Variants in SET observed in about 807,000 individuals in gnomAD.
SET encodes SET nuclear proto-oncogene, also known as protein SET.
SET carries 4 observed loss-of-function variants against 39.0 expected under a neutral mutation model. The ratio of observed to expected loss-of-function variants is 0.10; its 90% CI spans 0.05 to 0.23. The LOEUF is 0.23. Among genes scored for constraint, SET ranks in the 10% least tolerant of loss-of-function variants. The probability of loss-of-function intolerance (pLI) is 1.00; values close to 1 mark genes in which losing one functional copy is unlikely to be tolerated. For synonymous variants in SET, 114 were observed against 115.9 expected (o/e 0.98, Z 0.11); for missense variants, 137 against 329.7 (o/e 0.42, Z 4.53).
chr9:128,695,965 A>C lies in SET; in HGVS notation c.*1301A>C. The C allele has an allele frequency of 4.4e-6, 1 of 226,230 alleles. No individual in the cohort carries two copies. 14.0% of individuals were successfully genotyped at this position (226,230 alleles called of 1,614,324 possible). ...CTGGCATGTCTTCATTGGCTATATAAAATGTGGCCAAGAAGATAGGCTCTC... is the reference window on the plus strand; with the variant it reads ...CTGGCATGTCTTCATTGGCTATATACAATGTGGCCAAGAAGATAGGCTCTC... On this transcript the variant is annotated 3_prime_UTR_variant, in exon 8 of 8. Transcript: ENST00000322030.
Position 128,693,952 on chromosome 9 carries a change from A to C in SET, c.720A>C (p.Glu240Asp). The C allele has an allele frequency of 6.5e-7, 1 of 1,548,232 alleles. No individual in the cohort carries two copies. Among genetic ancestry groups the C allele is most frequent in the Non-Finnish European group, 8.9e-7 (1 of 1,120,952 alleles). Residue 240 changes from glutamate to aspartate, a missense_variant, in exon 7 of 8, where the codon GAA becomes GAC. By Grantham distance (45) the Glu-to-Asp change is conservative (BLOSUM62 2). This residue lies in a region of SET where 44 missense variants were observed against 63.0 expected (regional missense o/e 0.70). Coordinates refer to ENST00000322030, the MANE Select transcript of SET (RefSeq NM_003011.4). The part of the protein sequence containing the change: ...GEGEEDDDDD[E>D]EEEGLEDIDE... The stretch of plus-strand genomic sequence containing the variant: ...GAGAAGAAGATGATGATGATGATGA[A>C]GAGGAGGAAGGATTAGAAGATATTG...
In SET at chr9:128,689,347, G is replaced by A. The variant is rs1419158522; in HGVS notation, c.-236G>A. 18 of 1,042,098 alleles carry A rather than the reference G, an allele frequency of 1.7e-5. No individual in the cohort carries two copies. The South Asian group carries it at 7.1e-4, about 41-fold the overall frequency. The allele number at this position is 1,042,098 out of a possible 1,614,324, so 64.6% of individuals were successfully genotyped here. A position where few individuals can be genotyped will look rare whatever the true frequency, so the allele number is the denominator to read the frequency against. ...GCCGCCGCCTCCGCCTCCCCTCCGCGAACAGGAGCCCGGGCCGGGGCCCGG... is the reference window on the plus strand; with the variant it reads ...GCCGCCGCCTCCGCCTCCCCTCCGCAAACAGGAGCCCGGGCCGGGGCCCGG... On this transcript the variant is annotated 5_prime_UTR_variant, in exon 1 of 8. Transcript: ENST00000322030.
In SET at chr9:128,689,565, C is replaced by A; in HGVS notation, c.-18C>A. 1.5e-6 allele frequency: 2 copies of A among 1,344,696 alleles called. No individual in the cohort carries two copies. The highest frequency in any genetic ancestry group is 2.0e-6 in the Non-Finnish European group (2 of 1,024,600). 83.3% of individuals were successfully genotyped at this position (1,344,696 alleles called of 1,614,324 possible). A position where few individuals can be genotyped will look rare whatever the true frequency, so the allele number is the denominator to read the frequency against. ...TCTCTCCCCCTCCCCGCTCCCCCCC[C>A]GACCGCGGAGCAGCACCATGTCGGC... On this transcript the variant is annotated 5_prime_UTR_variant, in exon 1 of 8. Coordinates refer to ENST00000322030, the MANE Select transcript of SET (RefSeq NM_003011.4).
upstream of SET, among the ~76,000 whole-genome samples, chr9:128,688,547 CCTT>C (rs1225171787): frequency 1.3e-5 from 2 of 152,204 alleles, no homozygotes; most frequent in Non-Finnish European, 2.9e-5. Context: ...TACCTCCCTG[CCTT>C]CACAGGACTT....
chr9:128,684,964 C>A (rs2132233732), upstream of SET: 1 of 1,320,006 alleles, frequency 7.6e-7, no homozygotes, highest in Non-Finnish European at 1.0e-6. Flanking sequence ...GTTCTGGTGA[C>A]TAGGTCTGGC....
chr9:128,690,098 C>A, intron 1 of SET: 1 of 370,540 alleles, frequency 2.7e-6, no homozygotes, highest in Non-Finnish European at 3.7e-6. Flanking sequence ...CGGCGGCGCC[C>A]CCGGCACCCC....
At position 128,689,514 on chromosome 9, in the gene SET, G is replaced by A. The variant is rs1189159207; in HGVS notation, c.-69G>A. On this transcript the variant is annotated 5_prime_UTR_variant, in exon 1 of 8. Transcript: ENST00000322030. ...CGCGCGTGTGGCGTGAGGGGAAGCC[G>A]CTTGCCCGCCCCCTTCGCCTTCCCT... 1.7e-5 allele frequency: 13 copies of A among 779,562 alleles called. No individual in the cohort carries two copies. Among genetic ancestry groups the A allele is most frequent in the Non-Finnish European group, 1.8e-5 (10 of 561,246 alleles). The allele number at this position is 779,562 out of a possible 1,614,324, so 48.3% of individuals were successfully genotyped here.
At position 128,696,008 on chromosome 9, in the gene SET, T is replaced by A. The variant is rs1243400434; in HGVS notation, c.*1344T>A. On this transcript the variant is annotated 3_prime_UTR_variant, in exon 8 of 8. Transcript: ENST00000322030. ...AGGCTCTCAGTAAGAAGTCTGATGG[T>A]GAGCAGTAACTGTCCCTGCTTTCTG... 8.8e-6 allele frequency: 2 copies of A among 226,062 alleles called. No individual in the cohort carries two copies. The highest frequency in any genetic ancestry group is 1.2e-4 in the East Asian group (2 of 16,106). 14.0% of individuals were successfully genotyped at this position (226,062 alleles called of 1,614,324 possible).
chr9:128,689,994 C>A, intron 1 of SET: 1 of 1,040,996 alleles, frequency 9.6e-7, no homozygotes. Context: ...GCCATGATGC[C>A]TCGCTCCCAT....
Position 128,692,642 on chromosome 9 carries a change from C to T in SET, c.275-20C>T, listed in dbSNP as rs766610466. The T allele has an allele frequency of 1.3e-6, 2 of 1,515,852 alleles. No homozygotes were observed. Among genetic ancestry groups the T allele is most frequent in the South Asian group, 1.1e-5 (1 of 88,372 alleles). 93.9% of individuals were successfully genotyped at this position (1,515,852 alleles called of 1,614,324 possible). A position where few individuals can be genotyped will look rare whatever the true frequency, so the allele number is the denominator to read the frequency against. ...GTGTGCCTGTTGAAAATTCAGCTGACCTGTAATTTTCTGGCCTAGTGTCTG... is the reference window on the plus strand; with the variant it reads ...GTGTGCCTGTTGAAAATTCAGCTGATCTGTAATTTTCTGGCCTAGTGTCTG... On this transcript the variant is annotated intron_variant, in intron 3 of 7. Transcript: ENST00000322030.
intron 5 of SET, 108 bp from the exon 6 acceptor site, chr9:128,693,530 C>T: frequency 8.7e-7 from 1 of 1,154,582 alleles, no homozygotes; most frequent in Non-Finnish European, 1.2e-6. Context: ...AGATAGTATA[C>T]TGATATTTGT....
chr9:128,688,886 C>G (rs941803323), upstream of SET, among the ~76,000 whole-genome samples: 2 of 152,068 alleles, frequency 1.3e-5, no homozygotes, highest in Non-Finnish European at 2.9e-5. Flanking sequence ...GCGCCCCGCT[C>G]CCGGTGCCCC....
Position 128,695,957 on chromosome 9 carries a change from G to A in SET, c.*1293G>A. 4.4e-6 allele frequency: 1 copy of A among 226,288 alleles called. No individual in the cohort carries two copies. Among genetic ancestry groups the A allele is most frequent in the Non-Finnish European group, 8.8e-6 (1 of 113,132 alleles). The allele number at this position is 226,288 out of a possible 1,614,324, so 14.0% of individuals were successfully genotyped here. The stretch of plus-strand genomic sequence containing the variant: ...GACAGTTGCTGGCATGTCTTCATTG[G>A]CTATATAAAATGTGGCCAAGAAGAT... On this transcript the variant is annotated 3_prime_UTR_variant, in exon 8 of 8. Transcript: ENST00000322030.
chr9:128,686,207 T>C (rs946508713), upstream of SET, among the ~76,000 whole-genome samples: 2 of 152,124 alleles, frequency 1.3e-5, no homozygotes, highest in Non-Finnish European at 2.9e-5. Flanking sequence ...CGCCTGTGTT[T>C]ACTCACACCC....
chr9:128,685,858 C>G (rs937873156), upstream of SET, among the ~76,000 whole-genome samples: 4 of 152,152 alleles, frequency 2.6e-5, no homozygotes, highest in African/African-American at 9.7e-5. Context: ...ATGGCTAAAC[C>G]CCATCTCTAC....
intron 1 of SET, chr9:128,690,121 GGCCC>G: frequency 4.0e-6 from 1 of 251,892 alleles, no homozygotes; most frequent in Non-Finnish European, 6.3e-6. Context: ...CCCAGAGGCT[GGCCC>G]CGGCGGGGCT....
In SET at chr9:128,689,241, T is replaced by TGGA. The variant is rs1158771361; in HGVS notation, c.-333_-331dup. The TGGA allele has an allele frequency of 4.0e-5, 40 of 997,628 alleles. No individual in the cohort carries two copies. The highest frequency in any genetic ancestry group is 4.9e-4 in the Middle Eastern group (1 of 2,028). The allele number at this position is 997,628 out of a possible 1,614,324, so 61.8% of individuals were successfully genotyped here. ...GCCCGCCCCTCGCCGTAGGAGGAGGTGGAGGAGGAGGCGGCTCGGGAGAGC... is the reference window on the plus strand; with the variant it reads ...GCCCGCCCCTCGCCGTAGGAGGAGGTGGAGGAGGAGGAGGCGGCTCGGGAGAGC... On this transcript the variant is annotated 5_prime_UTR_variant, in exon 1 of 8. Coordinates refer to ENST00000322030, the MANE Select transcript of SET (RefSeq NM_003011.4).
chr9:128,692,070 CTT>C, intron 3 of SET, 70 bp downstream of exon 3: 1 of 1,562,768 alleles, frequency 6.4e-7, no homozygotes, highest in East Asian at 2.3e-5. Flanking sequence ...TTGGTGAAGA[CTT>C]AGTCCAGCAT....
upstream of SET, among the ~76,000 whole-genome samples, chr9:128,684,494 G>A (rs1861222891): frequency 6.6e-6 from 1 of 151,992 alleles, no homozygotes; most frequent in African/African-American, 2.4e-5. Flanking sequence ...CCTTCAGCCT[G>A]AGCATAGCCA....
Sources: allele counts gnomAD v4.1 joint callset (sites outside exome capture counted in the v4.1 genomes callset), GRCh38; gene constraint gnomAD v4.1.1; regional missense constraint gnomAD v4.1.1; transcripts MANE v1.5; gene names NCBI Gene and HGNC (gene_info 2026-07-23, HGNC 2026-07-21).